Variants in STRN observed in about 807,000 individuals in gnomAD.
The protein encoded by STRN is protein phosphatase 2 regulatory subunit B'''alpha.
A neutral mutation model predicts 96.3 loss-of-function variants in STRN; 53 were observed. The observed-to-expected ratio is 0.55, with a 90% CI of 0.44 to 0.69. The LOEUF (loss-of-function observed/expected upper bound fraction) is 0.69, where lower values mean the gene tolerates loss of function less well. Ranked by LOEUF, STRN falls within the 30% of genes least tolerant of loss-of-function variation. The pLI, the probability that STRN is intolerant of heterozygous loss-of-function variation, is 0.00. For missense variants in STRN, 987 were observed against 963.9 expected, an observed-to-expected ratio of 1.02 and a Z score of -0.32; for synonymous variants, 428 against 355.9, an observed-to-expected ratio of 1.20 and a Z score of -2.28.
At chr2:36,913,989 A>ATT (rs887137743) in intron 3 of STRN, among the ~76,000 whole-genome samples, 1 of 148,150 alleles carries the variant, frequency 6.7e-6, no homozygotes, top group Admixed American at 6.8e-5. Flanking sequence ...AAACTTGATG[A>ATT]TTTTTTTTTT....
At chr2:36,940,984 A>G (rs956827798) in intron 1 of STRN, among the ~76,000 whole-genome samples, 7 of 152,010 alleles carry the variant, frequency 4.6e-5, no homozygotes, top group African/African-American at 1.2e-4. Context: ...AAAACCTCCT[A>G]TCTACAAAAA....
At position 36,849,898 on chromosome 2, in the gene STRN, C is replaced by G. The variant is rs1668177389; in HGVS notation, c.2087-98G>C. 2.6e-6 allele frequency: 3 copies of G among 1,140,548 alleles called. No homozygotes were observed. In the South Asian group the frequency reaches 3.9e-5, roughly 15 times the overall value. 70.7% of individuals were successfully genotyped at this position (1,140,548 alleles called of 1,614,324 possible). On this transcript the variant is annotated intron_variant, in intron 16 of 17. Transcript: ENST00000263918. ...TGCTGGTTTCTCCAGTCATCCCTCTCTGTGTGCTTACTGTATTAATAGCTT... is the reference window on the plus strand; with the variant it reads ...TGCTGGTTTCTCCAGTCATCCCTCTGTGTGTGCTTACTGTATTAATAGCTT...
At chr2:36,928,947 C>CA (rs57198345) in intron 1 of STRN, among the ~76,000 whole-genome samples, 2,964 of 67,716 alleles carry the variant, frequency 0.044, 116 homozygotes, top group African/African-American at 0.12. Context: ...GACTCCGTCT[C>CA]AAAAAAAAAA....
At position 36,875,647 on chromosome 2, in the gene STRN, G is replaced by T. The variant is rs941569097; in HGVS notation, c.1323+2244C>A. Among the ~76,000 whole-genome samples the T allele has an allele frequency of 5.8e-5, 8 of 138,962 alleles. No individual in the cohort carries two copies. In the South Asian group the frequency reaches 9.1e-4, roughly 16 times the overall value. The allele number at this position is 138,962 out of a possible 152,430, so 91.2% of individuals were successfully genotyped here. A position where few individuals can be genotyped will look rare whatever the true frequency, so the allele number is the denominator to read the frequency against. On this transcript the variant is annotated intron_variant, in intron 10 of 17. Transcript: ENST00000263918. ...GAAATATAAGGCAACAAAAACATTG[G>T]AAATAGAAATGATTTTTTTTTTTTT...
At chr2:36,920,284 G>A (rs941453717) in intron 2 of STRN, among the ~76,000 whole-genome samples, 1 of 152,046 alleles carries the variant, frequency 6.6e-6, no homozygotes, top group African/African-American at 2.4e-5. Context: ...AAATGTCTTA[G>A]ATTATACAAA....
chr2:36,940,836 CAA>C (rs56996485), intron 1 of STRN, among the ~76,000 whole-genome samples: 3 of 46,572 alleles, frequency 6.4e-5, no homozygotes, highest in African/African-American at 1.2e-4. Context: ...GACTCTGTCT[CAA>C]AAAAAAAAAA....
chr2:36,871,490 G>T (rs898882473), intron 10 of STRN, among the ~76,000 whole-genome samples: 30 of 152,130 alleles, frequency 2.0e-4, no homozygotes, highest in African/African-American at 6.8e-4. Flanking sequence ...TACACTCTAT[G>T]ATGTTTGCAC....
intron 10 of STRN, among the ~76,000 whole-genome samples, chr2:36,872,260 CT>C (rs1175120006): frequency 7.9e-5 from 12 of 152,240 alleles, no homozygotes; most frequent in Admixed American, 3.3e-4. Flanking sequence ...TGCACTCACA[CT>C]GGGGGGAGCC....
At chr2:36,875,414 G>A (rs1033214978) in intron 10 of STRN, among the ~76,000 whole-genome samples, 1 of 150,990 alleles carries the variant, frequency 6.6e-6, no homozygotes, top group Non-Finnish European at 1.5e-5. Flanking sequence ...GCTGAGGTGG[G>A]AGGATGGCTT....
intron 7 of STRN, among the ~76,000 whole-genome samples, chr2:36,890,943 A>C (rs1189113924): frequency 6.6e-6 from 1 of 152,126 alleles, no homozygotes; most frequent in South Asian, 2.1e-4. Flanking sequence ...AAGCAAAATA[A>C]TACACTACAG....
chr2:36,872,650 T>G (rs558476520), intron 10 of STRN, among the ~76,000 whole-genome samples: 45 of 152,212 alleles, frequency 3.0e-4, no homozygotes, highest in African/African-American at 1.0e-3. Flanking sequence ...TAACACCAAG[T>G]TTTCTAACAA....
chr2:36,938,126 T>A (rs1171906113), intron 1 of STRN, among the ~76,000 whole-genome samples: 1 of 152,128 alleles, frequency 6.6e-6, no homozygotes, highest in Non-Finnish European at 1.5e-5. Flanking sequence ...CTTAGTATAA[T>A]CAAAAGTTTA....
chr2:36,882,010 C>A (rs1341864377), intron 9 of STRN, among the ~76,000 whole-genome samples: 1 of 152,170 alleles, frequency 6.6e-6, no homozygotes, highest in Non-Finnish European at 1.5e-5. Flanking sequence ...AACTTTACAT[C>A]TACAGTGTGA....
At chr2:36,888,484 G>A (rs1279192164) in intron 7 of STRN, among the ~76,000 whole-genome samples, 2 of 152,060 alleles carry the variant, frequency 1.3e-5, no homozygotes, top group Non-Finnish European at 2.9e-5. Flanking sequence ...GCATGCCAGG[G>A]ATGCTGCTAC....
At position 36,839,164 on chromosome 2, in the gene STRN, G is replaced by T; in HGVS notation, c.*10292C>A. 6.6e-6 allele frequency among the ~76,000 whole-genome samples: 1 copy of T among 152,240 alleles called. No homozygotes were observed. The highest frequency in any genetic ancestry group is 1.9e-4 in the East Asian group (1 of 5,194). ...TTGCCATTATGAATCTTTATGCATTGTTTTTTGCATTTAAATTCATTTCTG... is the reference window on the plus strand; with the variant it reads ...TTGCCATTATGAATCTTTATGCATTTTTTTTTGCATTTAAATTCATTTCTG... On this transcript the variant is annotated 3_prime_UTR_variant, in exon 18 of 18. Transcript: ENST00000263918.
In STRN at chr2:36,955,170, A is replaced by C. The variant is rs3821145; in HGVS notation, c.234+11060T>G. 4.3e-4 allele frequency among the ~76,000 whole-genome samples: 65 copies of C among 152,368 alleles called. 1 individual carries two copies. In the East Asian group the frequency reaches 9.6e-3, roughly 23 times the overall value. On this transcript the variant is annotated intron_variant, in intron 1 of 17. Transcript: ENST00000263918. ...CTACACAGAGTGAGGGACCAAAAAA[A>C]GGAGAGGATATGGTATAGAGAGCAA...
intron 7 of STRN, 28 bp from the exon 8 acceptor site, chr2:36,886,854 C>G (rs764447086): frequency 9.5e-6 from 15 of 1,570,846 alleles, no homozygotes; most frequent in Admixed American, 1.8e-5. Context: ...AATGAAACAG[C>G]CTTTTTCAAT....
rs1260004882 is a variant in STRN, at chr2:36,839,444, C to T, written c.*10012G>A. 1.3e-5 allele frequency among the ~76,000 whole-genome samples: 2 copies of T among 152,164 alleles called. No individual in the cohort carries two copies. The highest frequency in any genetic ancestry group is 2.9e-5 in the Non-Finnish European group (2 of 68,036). The stretch of plus-strand genomic sequence containing the variant: ...ATTTTAACCTATTTCTCCTAAAACC[C>T]TGATGTTCTAGAAGCTATCAGGAGT... On this transcript the variant is annotated 3_prime_UTR_variant, in exon 18 of 18. Coordinates refer to ENST00000263918, the MANE Select transcript of STRN (RefSeq NM_003162.4).
chr2:36,935,090 C>T (rs560339002), intron 1 of STRN, among the ~76,000 whole-genome samples: 19 of 152,162 alleles, frequency 1.2e-4, no homozygotes, highest in African/African-American at 3.9e-4. Context: ...AAGGAAGGAA[C>T]GAAACTCATA....
Sources: gnomAD v4.1 joint callset for allele counts (sites outside exome capture counted in the v4.1 genomes callset) on GRCh38, gnomAD v4.1.1 for gene constraint, MANE v1.5 for transcripts, NCBI Gene and HGNC (gene_info 2026-07-23, HGNC 2026-07-21) for gene names.